The following SPECC1 variants were observed in gnomAD, a reference collection of about 807,000 sequenced individuals.
SPECC1 encodes the protein sperm antigen with calponin homology and coiled-coil domains 1.
In SPECC1, 62 loss-of-function variants were observed where a neutral mutation model predicts 104.1. That is an observed-to-expected ratio of 0.60 (90% CI 0.49 to 0.74). SPECC1 has a LOEUF of 0.74. SPECC1 is among the 30% of genes least tolerant of loss of function. The pLI is 0.00. For synonymous variants in SPECC1, 513 were observed against 501.6 expected (o/e 1.02, Z -0.30); for missense variants, 1,306 against 1,310.5 (o/e 1.00, Z 0.05).
chr17:20,219,111 G>A (rs139493967), intron 4 of SPECC1, among the ~76,000 whole-genome samples: 185 of 152,210 alleles, frequency 1.2e-3, no homozygotes, highest in South Asian at 3.9e-3. Context: ...CAATAAACTT[G>A]GTGAGTGCAG....
intron 7 of SPECC1, among the ~76,000 whole-genome samples, chr17:20,239,582 A>C (rs1431339150): frequency 1.3e-5 from 2 of 150,072 alleles, no homozygotes; most frequent in African/African-American, 2.4e-5. Flanking sequence ...CAAGGTTATA[A>C]TTTTTTTTTT....
At chr17:20,048,781 A>G (rs1483948914) in intron 1 of SPECC1, among the ~76,000 whole-genome samples, 2 of 151,746 alleles carry the variant, frequency 1.3e-5, no homozygotes, top group Non-Finnish European at 2.9e-5. Context: ...AGTCCCAGCT[A>G]CTCAGGAGGC....
intron 3 of SPECC1, among the ~76,000 whole-genome samples, chr17:20,155,034 A>T (rs540544379): frequency 6.6e-6 from 1 of 152,296 alleles, no homozygotes; most frequent in Admixed American, 6.5e-5. Context: ...CTGGAGTTAG[A>T]AGAGGGAACC....
At chr17:20,172,997 A>G (rs1206225062) in intron 3 of SPECC1, among the ~76,000 whole-genome samples, 1 of 152,238 alleles carries the variant, frequency 6.6e-6, no homozygotes, top group African/African-American at 2.4e-5. Context: ...CATGTTGGTC[A>G]AATGAAGACT....
chr17:20,051,817 G>A (rs773793111), intron 1 of SPECC1, among the ~76,000 whole-genome samples: 3 of 152,166 alleles, frequency 2.0e-5, no homozygotes, highest in Non-Finnish European at 4.4e-5. Flanking sequence ...GCATCCAGTA[G>A]CATTAGTTAC....
chr17:20,164,979 TTC>T (rs1392499644), intron 3 of SPECC1, among the ~76,000 whole-genome samples: 1 of 152,230 alleles, frequency 6.6e-6, no homozygotes, highest in African/African-American at 2.4e-5. Context: ...TTTTTATACT[TTC>T]TGTCTCTTAA....
chr17:20,136,751 A>T (rs1021452384), intron 3 of SPECC1, among the ~76,000 whole-genome samples: 1 of 152,112 alleles, frequency 6.6e-6, no homozygotes, highest in Non-Finnish European at 1.5e-5. Flanking sequence ...TATTTTGGAA[A>T]TCATTCCTAT....
intron 3 of SPECC1, among the ~76,000 whole-genome samples, chr17:20,118,225 A>G (rs1196481431): frequency 1.3e-5 from 2 of 152,220 alleles, no homozygotes; most frequent in Non-Finnish European, 1.5e-5. Context: ...TAAGGGTGTA[A>G]AGAGCCACAT....
chr17:20,153,207 T>C (rs1024491989), intron 3 of SPECC1, among the ~76,000 whole-genome samples: 2 of 152,152 alleles, frequency 1.3e-5, no homozygotes, highest in Admixed American at 6.5e-5. Flanking sequence ...TATGAAAGCA[T>C]AGAGGCCTGA....
chr17:20,295,095 T>C (rs998732402), intron 12 of SPECC1, among the ~76,000 whole-genome samples: 1 of 151,944 alleles, frequency 6.6e-6, no homozygotes, highest in Admixed American at 6.6e-5. Flanking sequence ...TAAGTATACA[T>C]GTGCCATGTT....
chr17:20,226,852 C>CTCT (rs2038241470), intron 4 of SPECC1, among the ~76,000 whole-genome samples: 2 of 152,142 alleles, frequency 1.3e-5, no homozygotes, highest in African/African-American at 4.8e-5. Flanking sequence ...ATTGCAGCCC[C>CTCT]AAGTATCTTA....
At chr17:20,182,408 G>A (rs904530468) in intron 3 of SPECC1, among the ~76,000 whole-genome samples, 2 of 151,976 alleles carry the variant, frequency 1.3e-5, no homozygotes, top group Non-Finnish European at 2.9e-5. Context: ...GACCCACCAC[G>A]CCCAACCTCT....
At chr17:20,275,827 T>C (rs73305551) in intron 12 of SPECC1, among the ~76,000 whole-genome samples, 2,505 of 152,268 alleles carry the variant, frequency 0.016, 51 homozygotes, top group African/African-American at 0.055. Flanking sequence ...ATGTGGCCAC[T>C]TGATCTGCTG....
intron 3 of SPECC1, among the ~76,000 whole-genome samples, chr17:20,203,896 A>T (rs2036593120): frequency 6.6e-6 from 1 of 152,200 alleles, no homozygotes; most frequent in South Asian, 2.1e-4. Flanking sequence ...AATGCTATTG[A>T]GAGTTTAGTT....
intron 8 of SPECC1, among the ~76,000 whole-genome samples, chr17:20,246,642 C>G (rs1197622876): frequency 6.6e-6 from 1 of 152,212 alleles, no homozygotes; most frequent in Non-Finnish European, 1.5e-5. Context: ...TGCTTATCTT[C>G]CTATATGAGA....
chr17:20,312,845 G>C (rs2041968626), intron 14 of SPECC1, among the ~76,000 whole-genome samples: 1 of 152,210 alleles, frequency 6.6e-6, no homozygotes, highest in Admixed American at 6.5e-5. Context: ...CCAGGGAGCA[G>C]AATAAGTGAA....
chr17:20,121,137 C>T (rs898689890), intron 3 of SPECC1, among the ~76,000 whole-genome samples: 10 of 152,106 alleles, frequency 6.6e-5, no homozygotes, highest in Non-Finnish European at 1.0e-4. Context: ...TGCACTGTGC[C>T]GGCTTCTCTG....
rs758457894 is a variant in SPECC1 at position 20,205,526 on chromosome 17, T to C, written c.1477T>C (p.Cys493Arg). ...KLLNIQQQLT[C>R]SLRKVEEENQ... ...ACTCAACATTCAGCAGCAGTTGACC[T>C]GTAGCTTGCGGAAGGTTGAGGAAGA... is the stretch of plus-strand genomic sequence containing the variant. Residue 493 changes from cysteine to arginine, a missense_variant, in exon 4 of 15, where the codon TGT becomes CGT. Physicochemically the swap from Cys to Arg is radical, Grantham distance 180. Transcript: ENST00000395527. 7 of 1,614,090 alleles carry C rather than the reference T, an allele frequency of 4.3e-6. No individual in the cohort carries two copies.
chr17:20,091,744 T>C (rs1597679148), intron 1 of SPECC1, among the ~76,000 whole-genome samples: 1 of 152,334 alleles, frequency 6.6e-6, no homozygotes, highest in East Asian at 1.9e-4. Context: ...GTTCTCAGAC[T>C]TGAATGGTTT....
Sources: gnomAD v4.1 joint callset for allele counts (sites outside exome capture counted in the v4.1 genomes callset) on GRCh38, gnomAD v4.1.1 for gene constraint, MANE v1.5 for transcripts, NCBI Gene and HGNC (gene_info 2026-07-23, HGNC 2026-07-21) for gene names.